The following PLAC1 variants were observed in gnomAD, a reference collection of about 807,000 sequenced individuals.
PLAC1 encodes the protein placenta associated 1, also known as placenta-specific protein 1.
For synonymous variants in PLAC1, 68 were observed against 62.1 expected, an observed-to-expected ratio of 1.09 and a Z score of -0.44; for missense variants, 136 against 163.2, an observed-to-expected ratio of 0.83 and a Z score of 0.91.
intron 1 of PLAC1, chrX:134,733,712 T>C: frequency 9.0e-6 from 1 of 110,629 alleles, no homozygotes; most frequent in Non-Finnish European, 1.9e-5. Context: ...AGCAAAAGCT[T>C]AAAGGCAAAT....
intron 1 of PLAC1, among the ~76,000 whole-genome samples, chrX:134,738,808 G>A (rs2078710090): frequency 3.6e-5 from 4 of 112,412 alleles, no homozygotes; most frequent in African/African-American, 1.3e-4. Flanking sequence ...GAGTTGTGGG[G>A]CTGTTGTTTC....
intron 2 of PLAC1, among the ~76,000 whole-genome samples, chrX:134,675,086 C>T (rs754342405): frequency 8.9e-6 from 1 of 112,241 alleles, no homozygotes; most frequent in South Asian, 3.7e-4. Context: ...CTCAATCAGT[C>T]GTCACTTAAT....
intron 2 of PLAC1, among the ~76,000 whole-genome samples, chrX:134,694,607 G>A (rs910157850): frequency 5.4e-5 from 6 of 112,052 alleles, no homozygotes; most frequent in Admixed American, 9.5e-5. Flanking sequence ...GGAAATATTT[G>A]AAGCTTGAAA....
intron 1 of PLAC1, among the ~76,000 whole-genome samples, chrX:134,740,234 T>A (rs767128995): frequency 2.8e-4 from 30 of 108,769 alleles, no homozygotes; most frequent in African/African-American, 9.1e-4. Context: ...GGTGTATCGC[T>A]TGAACCCGGG....
At chrX:134,747,596 A>G (rs1201680647) in intron 1 of PLAC1, among the ~76,000 whole-genome samples, 2 of 111,582 alleles carry the variant, frequency 1.8e-5, no homozygotes, top group African/African-American at 6.5e-5. Flanking sequence ...AATTTTTAAA[A>G]GAGACATTAT....
At chrX:134,578,999 T>C in intron 2 of PLAC1, among the ~76,000 whole-genome samples, 2 of 111,592 alleles carry the variant, frequency 1.8e-5, no homozygotes, top group South Asian at 7.6e-4. Flanking sequence ...TTTAAAAATA[T>C]ATATTTATGC....
intron 1 of PLAC1, among the ~76,000 whole-genome samples, chrX:134,735,510 T>A (rs1016564798): frequency 1.8e-5 from 2 of 111,276 alleles, no homozygotes; most frequent in African/African-American, 6.5e-5. Flanking sequence ...CTACTTAGAA[T>A]TTTAAAAGGC....
chrX:134,613,237 T>C (rs958626621), intron 1 of PLAC1, among the ~76,000 whole-genome samples: 8 of 111,218 alleles, frequency 7.2e-5, no homozygotes, highest in African/African-American at 2.3e-4. Context: ...CCTTTGCAGA[T>C]TTCCCTTTTG....
intron 2 of PLAC1, among the ~76,000 whole-genome samples, chrX:134,703,243 C>T (rs1396903576): frequency 2.7e-5 from 3 of 111,482 alleles, no homozygotes; most frequent in African/African-American, 9.8e-5. Context: ...CAAACCTAGA[C>T]AAATCATAGT....
intron 2 of PLAC1, among the ~76,000 whole-genome samples, chrX:134,732,544 C>A (rs1000154763): frequency 7.2e-5 from 8 of 110,504 alleles, no homozygotes; most frequent in Non-Finnish European, 1.5e-4. Flanking sequence ...CATTTTTTAA[C>A]AGGATCTCAA....
chrX:134,649,962 AG>A (rs1474965495), intron 1 of PLAC1, among the ~76,000 whole-genome samples: 1 of 111,500 alleles, frequency 9.0e-6, no homozygotes, highest in Admixed American at 9.5e-5. Context: ...CATACAATCT[AG>A]AAAGGTCACT....
intron 2 of PLAC1, chrX:134,601,009 G>A (rs1229886419): frequency 1.8e-5 from 2 of 108,443 alleles, no homozygotes; most frequent in Non-Finnish European, 3.8e-5. Context: ...CACCATGGCT[G>A]GCTAATCATT....
rs185739623 is a variant in PLAC1 at position 134,696,750 on chromosome X, C to T, written n.174+36685G>A. Among the ~76,000 whole-genome samples the T allele has an allele frequency of 2.6e-3, 291 of 111,407 alleles. 2 individuals are homozygous for T. The highest frequency in any genetic ancestry group is 8.7e-3 in the African/African-American group (268 of 30,670). ...TCTGCTTTGAAAATGTCTGTTTGGC[C>T]GGGCGCGGTGGCTCACGCCTGTAAT... On this transcript the variant is annotated intron_variant and non_coding_transcript_variant, in intron 2 of 2. Transcript: ENST00000466797.
intron 2 of PLAC1, among the ~76,000 whole-genome samples, chrX:134,700,662 G>A (rs2078579855): frequency 9.0e-6 from 1 of 111,437 alleles, no homozygotes. Context: ...CAAGCTAAGA[G>A]CCAATTCAAT....
At chrX:134,608,726 A>C (rs1257267523) in intron 1 of PLAC1, among the ~76,000 whole-genome samples, 2 of 98,835 alleles carry the variant, frequency 2.0e-5, no homozygotes, top group African/African-American at 7.7e-5. Context: ...GCCAGGCTGG[A>C]GTGCAGTGGC....
chrX:134,588,298 A>ATTTAT (rs1556046908), intron 2 of PLAC1, among the ~76,000 whole-genome samples: 23 of 21,264 alleles, frequency 1.1e-3, no homozygotes, highest in South Asian at 3.6e-3. Flanking sequence ...TATTTTATTT[A>ATTTAT]TTTATTTATT....
intron 1 of PLAC1, among the ~76,000 whole-genome samples, chrX:134,756,105 C>T (rs909165959): frequency 9.1e-6 from 1 of 110,152 alleles, no homozygotes; most frequent in African/African-American, 3.3e-5. Flanking sequence ...CCCGCCTTGG[C>T]CTCCCAAAGT....
intron 2 of PLAC1, among the ~76,000 whole-genome samples, chrX:134,581,627 C>T (rs1464475522): frequency 5.5e-5 from 6 of 108,601 alleles, no homozygotes; most frequent in African/African-American, 1.7e-4. Context: ...TACAGGCACC[C>T]GCCACCATGC....
chrX:134,650,012 T>C (rs1259079229), intron 1 of PLAC1, among the ~76,000 whole-genome samples: 2 of 111,733 alleles, frequency 1.8e-5, no homozygotes, highest in African/African-American at 6.5e-5. Flanking sequence ...GTTCCTGCCC[T>C]ATACCCTGGA....
Sources: gnomAD v4.1 joint callset for allele counts (sites outside exome capture counted in the v4.1 genomes callset) on GRCh38, gnomAD v4.1.1 for gene constraint, MANE v1.5 for transcripts, NCBI Gene and HGNC (gene_info 2026-07-23, HGNC 2026-07-21) for gene names.